The following DEPTOR variants were observed in gnomAD, a reference collection of about 807,000 sequenced individuals.
The protein encoded by DEPTOR is DEP domain containing MTOR interacting protein, also known as DEP domain-containing mTOR-interacting protein.
DEPTOR carries 41 observed loss-of-function variants against 41.6 expected under a neutral mutation model. That is an observed-to-expected ratio of 0.98 (90% CI 0.77 to 1.28). The LOEUF (loss-of-function observed/expected upper bound fraction) is 1.28. Ranked by LOEUF, DEPTOR falls within the 50% of genes most tolerant of loss-of-function variation. DEPTOR has a pLI of 0.00. For synonymous variants in DEPTOR, 195 were observed against 192.3 expected (o/e 1.01, Z -0.12); for missense variants, 514 against 527.9 (o/e 0.97, Z 0.26).
Position 120,002,966 on chromosome 8 carries a change from G to A in DEPTOR, c.791-11G>A. ...CCCTTGGTGACTGTGTGTGTTCTCT[G>A]GCCTACACAGTGAGCCCCAGCAAGG... On this transcript the variant is annotated splice_polypyrimidine_tract_variant and intron_variant, in intron 5 of 8. Transcript: ENST00000286234. 2 of 1,555,384 alleles carry A rather than the reference G, an allele frequency of 1.3e-6. No homozygotes were observed. Among genetic ancestry groups the A allele is most frequent in the South Asian group, 2.4e-5 (2 of 84,556 alleles).
At chr8:119,883,178 C>T (rs1371242908) in intron 1 of DEPTOR, among the ~76,000 whole-genome samples, 1 of 151,828 alleles carries the variant, frequency 6.6e-6, no homozygotes, top group Non-Finnish European at 1.5e-5. Flanking sequence ...CAGTGTGAGA[C>T]AAGATATGCT....
intron 7 of DEPTOR, among the ~76,000 whole-genome samples, chr8:120,007,830 A>G (rs1217989750): frequency 6.6e-6 from 1 of 152,234 alleles, no homozygotes; most frequent in East Asian, 1.9e-4. Context: ...TACAAATAAC[A>G]GCAAACTGTA....
intron 8 of DEPTOR, among the ~76,000 whole-genome samples, chr8:120,037,093 A>G (rs1016770486): frequency 3.3e-5 from 5 of 152,234 alleles, no homozygotes; most frequent in African/African-American, 1.2e-4. Context: ...GTATGGACCC[A>G]TGCAATGGTT....
At chr8:119,964,615 G>T (rs60793569) in intron 3 of DEPTOR, among the ~76,000 whole-genome samples, 5,416 of 151,618 alleles carry the variant, frequency 0.036, 106 homozygotes, top group African/African-American at 0.052. Flanking sequence ...ATGCAATTAG[G>T]AAAGAAATAC....
chr8:119,887,636 A>G (rs1827390332), intron 1 of DEPTOR, among the ~76,000 whole-genome samples: 1 of 149,996 alleles, frequency 6.7e-6, no homozygotes, highest in Non-Finnish European at 1.5e-5. Context: ...AGTAGCTGGG[A>G]TTACAGGCAT....
At chr8:119,916,517 A>G (rs1827817736) in intron 1 of DEPTOR, among the ~76,000 whole-genome samples, 1 of 152,156 alleles carries the variant, frequency 6.6e-6, no homozygotes, top group Non-Finnish European at 1.5e-5. Context: ...CACCAAAGAA[A>G]AAGTTAAGCT....
chr8:119,963,995 T>G (rs1186178125), intron 3 of DEPTOR, among the ~76,000 whole-genome samples: 7 of 152,162 alleles, frequency 4.6e-5, no homozygotes, highest in Non-Finnish European at 1.5e-5. Context: ...GGTTTGCAGG[T>G]GGCTGCTTCT....
chr8:119,890,683 A>G (rs1289787167), intron 1 of DEPTOR, among the ~76,000 whole-genome samples: 3 of 152,166 alleles, frequency 2.0e-5, no homozygotes, highest in African/African-American at 4.8e-5. Context: ...GTCCTATTTT[A>G]TGCTTTTATA....
At position 119,873,938 on chromosome 8, in the gene DEPTOR, CT is replaced by C; in HGVS notation, c.93del (p.Glu32ArgfsTer38). 6.2e-7 allele frequency: 1 copy of C among 1,613,708 alleles called. No homozygotes were observed. Among genetic ancestry groups the C allele is most frequent in the Non-Finnish European group, 8.5e-7 (1 of 1,179,830 alleles). Reference protein sequence around the residue: ...GAQQRELERMAEVLVTGEQLR... With the variant: ...GAQQRELERMXEVLVTGEQLR... ...CAGCAAAGGGAGCTGGAGCGCATGG[CT>C]GAGGTCTTGGTCACCGGGGAACAGC... On this transcript the variant is annotated frameshift_variant, in exon 1 of 9. Transcript: ENST00000286234. LOFTEE classifies it high-confidence loss of function.
chr8:119,885,729 G>A (rs776734488), intron 1 of DEPTOR, among the ~76,000 whole-genome samples: 1 of 152,128 alleles, frequency 6.6e-6, no homozygotes, highest in Non-Finnish European at 1.5e-5. Flanking sequence ...CAAATGTACA[G>A]AAAAGTTTAA....
At position 119,919,721 on chromosome 8, in the gene DEPTOR, G is replaced by A. The variant is rs574808010; in HGVS notation, c.123-8679G>A. On this transcript the variant is annotated intron_variant, in intron 1 of 8. Transcript: ENST00000286234. Reference sequence around the variant, plus strand: ...GTCAGTACTGTTGCCCAAATCACAGGCTCACACTGTCAGCCCCACTATTTG... The same window carrying A: ...GTCAGTACTGTTGCCCAAATCACAGACTCACACTGTCAGCCCCACTATTTG... Among the ~76,000 whole-genome samples the A allele has an allele frequency of 7.2e-5, 11 of 152,208 alleles. No individual in the cohort carries two copies. In the South Asian group the frequency reaches 2.3e-3, roughly 32 times the overall value.
intron 8 of DEPTOR, among the ~76,000 whole-genome samples, chr8:120,019,234 G>A (rs185805271): frequency 2.0e-4 from 30 of 152,292 alleles, no homozygotes; most frequent in African/African-American, 7.2e-4. Flanking sequence ...GAACCCAGGA[G>A]GAGGAGGTTG....
chr8:119,952,173 A>C (rs1828361582), intron 3 of DEPTOR, among the ~76,000 whole-genome samples: 1 of 152,080 alleles, frequency 6.6e-6, no homozygotes, highest in African/African-American at 2.4e-5. Flanking sequence ...CTTTAAAAGA[A>C]AAAAAAAGAG....
At chr8:119,939,556 C>T (rs1006410328) in intron 3 of DEPTOR, among the ~76,000 whole-genome samples, 2 of 152,062 alleles carry the variant, frequency 1.3e-5, no homozygotes, top group South Asian at 2.1e-4. Flanking sequence ...GGTGCGATCT[C>T]GGCTCACTGC....
chr8:119,896,023 C>A (rs1324106804), intron 1 of DEPTOR, among the ~76,000 whole-genome samples: 1 of 151,932 alleles, frequency 6.6e-6, no homozygotes, highest in African/African-American at 2.4e-5. Flanking sequence ...AGATACATGG[C>A]TAATTTATTC....
At chr8:120,015,856 GC>G (rs1360670126) in intron 8 of DEPTOR, among the ~76,000 whole-genome samples, 1 of 152,100 alleles carries the variant, frequency 6.6e-6, no homozygotes, top group Non-Finnish European at 1.5e-5. Flanking sequence ...GAAAAAGCTT[GC>G]CCTCCCACCC....
intron 1 of DEPTOR, among the ~76,000 whole-genome samples, chr8:119,922,101 T>C (rs2129825734): frequency 6.6e-6 from 1 of 151,976 alleles, no homozygotes; most frequent in African/African-American, 2.4e-5. Context: ...TAGCTGGGCA[T>C]GGTGGCGGGC....
chr8:119,988,276 C>A (rs1227517073), intron 4 of DEPTOR, among the ~76,000 whole-genome samples: 2 of 152,156 alleles, frequency 1.3e-5, no homozygotes, highest in Non-Finnish European at 2.9e-5. Flanking sequence ...AGTTCCCTGA[C>A]CCCTTGTGCT....
At chr8:119,895,044 T>C (rs1827500605) in intron 1 of DEPTOR, among the ~76,000 whole-genome samples, 2 of 152,196 alleles carry the variant, frequency 1.3e-5, no homozygotes, top group Admixed American at 6.5e-5. Context: ...ACAGGGCAGA[T>C]GTTTTCTACT....
Sources: gnomAD v4.1 joint callset for allele counts (sites outside exome capture counted in the v4.1 genomes callset) on GRCh38, gnomAD v4.1.1 for gene constraint, MANE v1.5 for transcripts, NCBI Gene and HGNC (gene_info 2026-07-23, HGNC 2026-07-21) for gene names.